Variants in CAMK4 observed in about 807,000 individuals in gnomAD.
CAMK4 encodes calcium/calmodulin dependent protein kinase IV, also known as calcium/calmodulin-dependent protein kinase type IV.
In CAMK4, 22 loss-of-function variants were observed where a neutral mutation model predicts 44.9. That is an observed-to-expected ratio of 0.49 (90% CI 0.35 to 0.70). The LOEUF is 0.70. Ranked by LOEUF, CAMK4 falls within the 30% of genes least tolerant of loss-of-function variation. The pLI, the probability that CAMK4 is intolerant of heterozygous loss-of-function variation, is 0.01. For missense variants in CAMK4, 498 were observed against 586.8 expected (o/e 0.85, Z 1.56); for synonymous variants, 218 against 215.4 (o/e 1.01, Z -0.11).
chr5:111,321,564 G>GT (rs879256069), intron 1 of CAMK4, among the ~76,000 whole-genome samples: 4 of 152,132 alleles, frequency 2.6e-5, no homozygotes, highest in African/African-American at 7.2e-5. Context: ...TTCCATGTCT[G>GT]TATCAGCCAT....
At chr5:111,276,972 C>T (rs182585195) in intron 1 of CAMK4, among the ~76,000 whole-genome samples, 1 of 152,092 alleles carries the variant, frequency 6.6e-6, no homozygotes, top group South Asian at 2.1e-4. Context: ...AATTGCTGTT[C>T]CTTTGCCACA....
rs181739403 is a variant in CAMK4 at position 111,328,995 on chromosome 5, C to T, written c.162-15029C>T. 2.7e-3 allele frequency among the ~76,000 whole-genome samples: 403 copies of T among 151,904 alleles called. 1 individual carries two copies. Among genetic ancestry groups the T allele is most frequent in the South Asian group, 4.4e-3 (21 of 4,810 alleles). ...AATTCCTCAATAAAATACTGCAAAC[C>T]GAATGCAGCAGCACATCAAAAAGCT... On this transcript the variant is annotated intron_variant, in intron 1 of 10. Transcript: ENST00000282356.
chr5:111,410,517 T>C (rs148405490), intron 5 of CAMK4, among the ~76,000 whole-genome samples: 243 of 152,284 alleles, frequency 1.6e-3, no homozygotes, highest in Non-Finnish European at 2.5e-3. Flanking sequence ...ACTGTATGTC[T>C]GTGTTATTCT....
intron 5 of CAMK4, among the ~76,000 whole-genome samples, chr5:111,408,196 C>T (rs566664390): frequency 1.2e-3 from 182 of 152,262 alleles, no homozygotes; most frequent in African/African-American, 4.2e-3. Context: ...GTGATCCTTT[C>T]TTTTTATAAG....
chr5:111,373,841 A>T (rs1751107016), intron 2 of CAMK4, among the ~76,000 whole-genome samples: 1 of 152,130 alleles, frequency 6.6e-6, no homozygotes, highest in Non-Finnish European at 1.5e-5. Flanking sequence ...ATATCTATCG[A>T]TTGTTTTGAT....
chr5:111,492,496 C>A lies in CAMK4; in HGVS notation c.*8030C>A. 1 of 152,262 alleles carries A rather than the reference C, an allele frequency of 6.6e-6. No homozygotes were observed. The allele number at this position is 152,262 out of a possible 1,614,324, so 9.4% of individuals were successfully genotyped here. The stretch of plus-strand genomic sequence containing the variant: ...GTAGATTAGGATTCCACATTCTCCC[C>A]TGCCCATCTTCTTGATTGCTCAGTT... On this transcript the variant is annotated 3_prime_UTR_variant, in exon 11 of 11. Transcript: ENST00000282356.
intron 5 of CAMK4, among the ~76,000 whole-genome samples, chr5:111,411,248 A>T (rs1752621732): frequency 6.6e-6 from 1 of 152,146 alleles, no homozygotes; most frequent in Non-Finnish European, 1.5e-5. Context: ...ATCTTATTTT[A>T]TGTGAGTGGC....
At chr5:111,450,220 G>C (rs781541208) in intron 7 of CAMK4, among the ~76,000 whole-genome samples, 1 of 152,100 alleles carries the variant, frequency 6.6e-6, no homozygotes, top group Non-Finnish European at 1.5e-5. Flanking sequence ...TCCCCAGCTA[G>C]CTCCTCAGGA....
At chr5:111,390,611 T>C (rs1284665944) in intron 4 of CAMK4, among the ~76,000 whole-genome samples, 2 of 152,320 alleles carry the variant, frequency 1.3e-5, no homozygotes, top group Non-Finnish European at 2.9e-5. Context: ...AATTGACCAT[T>C]TTCAAACTTT....
chr5:111,467,828 T>G (rs1754898299), intron 7 of CAMK4, among the ~76,000 whole-genome samples: 2 of 152,116 alleles, frequency 1.3e-5, no homozygotes, highest in South Asian at 4.1e-4. Context: ...GAACTACCGT[T>G]TGATCCAGCA....
intron 1 of CAMK4, among the ~76,000 whole-genome samples, chr5:111,328,691 CAG>C (rs1040347206): frequency 4.6e-5 from 7 of 151,998 alleles, no homozygotes; most frequent in African/African-American, 1.7e-4. Flanking sequence ...TTTCCTTGAG[CAG>C]AGGTTTGTAG....
At chr5:111,410,352 T>C (rs933928663) in intron 5 of CAMK4, among the ~76,000 whole-genome samples, 4 of 152,192 alleles carry the variant, frequency 2.6e-5, no homozygotes, top group South Asian at 2.1e-4. Context: ...ATGAGACTTA[T>C]TCGCTACCAC....
rs1308971229 is a variant in CAMK4 at position 111,273,721 on chromosome 5, A to G, written c.161+49077A>G. Among the ~76,000 whole-genome samples, 14 of 13,344 alleles carry G rather than the reference A, an allele frequency of 1.0e-3. No individual in the cohort carries two copies. In the Admixed American group the frequency reaches 0.012, roughly 11 times the overall value. The allele number at this position is 13,344 out of a possible 152,430, so 8.8% of individuals were successfully genotyped here. A position where few individuals can be genotyped will look rare whatever the true frequency, so the allele number is the denominator to read the frequency against. On this transcript the variant is annotated intron_variant, in intron 1 of 10. Transcript: ENST00000282356. ...TATATATATATATATATATATATAC[A>G]CACACATACATACACACACACACGC...
chr5:111,422,663 T>C (rs2112920709), intron 5 of CAMK4, among the ~76,000 whole-genome samples: 1 of 152,348 alleles, frequency 6.6e-6, no homozygotes, highest in Non-Finnish European at 1.5e-5. Context: ...CTGGCCCATT[T>C]CTTAATGTCT....
intron 8 of CAMK4, among the ~76,000 whole-genome samples, chr5:111,474,917 C>CTT (rs1444072163): frequency 6.6e-6 from 1 of 152,206 alleles, no homozygotes; most frequent in Non-Finnish European, 1.5e-5. Context: ...AATCCCAGCA[C>CTT]TTCGGGAGGC....
chr5:111,264,883 T>G (rs1263324953), intron 1 of CAMK4, among the ~76,000 whole-genome samples: 2 of 152,156 alleles, frequency 1.3e-5, no homozygotes. Flanking sequence ...ATCTGCTGAT[T>G]GACATGGTGT....
chr5:111,230,784 TTTG>T (rs1407234315), intron 1 of CAMK4, among the ~76,000 whole-genome samples: 1 of 152,144 alleles, frequency 6.6e-6, no homozygotes, highest in Non-Finnish European at 1.5e-5. Context: ...CTAGTTATTT[TTTG>T]TTAATATTTT....
At chr5:111,377,019 C>T in intron 4 of CAMK4, 77 bp downstream of exon 4, 1 of 868,564 alleles carries the variant, frequency 1.2e-6, no homozygotes. Flanking sequence ...GACATTTCTC[C>T]TGAAACTTTT....
At chr5:111,373,635 A>AC (rs1332072036) in intron 2 of CAMK4, among the ~76,000 whole-genome samples, 1 of 152,084 alleles carries the variant, frequency 6.6e-6, no homozygotes, top group Non-Finnish European at 1.5e-5. Context: ...CCTGAGGTCA[A>AC]CCTTTTCTTC....
Sources: gnomAD v4.1 joint callset for allele counts (sites outside exome capture counted in the v4.1 genomes callset) on GRCh38, gnomAD v4.1.1 for gene constraint, MANE v1.5 for transcripts, NCBI Gene and HGNC (gene_info 2026-07-23, HGNC 2026-07-21) for gene names.